The following MSR1 variants were observed in gnomAD, a reference collection of about 807,000 sequenced individuals.
MSR1 encodes the protein macrophage scavenger receptor types I and II.
A neutral mutation model predicts 47.2 loss-of-function variants in MSR1; 53 were observed. The ratio of observed to expected loss-of-function variants is 1.12; its 90% CI spans 0.90 to 1.41. The LOEUF is 1.41. Ranked by LOEUF, MSR1 falls within the 40% of genes most tolerant of loss-of-function variation. MSR1 has a pLI of 0.00. For synonymous variants in MSR1, 239 were observed against 185.6 expected (o/e 1.29, Z -2.34); for missense variants, 786 against 546.9 (o/e 1.44, Z -4.36).
chr8:16,118,417 G>A (rs1251608426), intron 9 of MSR1, among the ~76,000 whole-genome samples: 3 of 152,138 alleles, frequency 2.0e-5, no homozygotes, highest in African/African-American at 7.2e-5. Flanking sequence ...AGTTATCATA[G>A]AAATGGATTC....
intron 8 of MSR1, among the ~76,000 whole-genome samples, chr8:16,132,584 T>A (rs2117087638): frequency 6.6e-6 from 1 of 152,158 alleles, no homozygotes; most frequent in East Asian, 1.9e-4. Context: ...GCCTCCCAGG[T>A]TCAAGTGATT....
chr8:16,135,805 G>A (rs1208035515), intron 8 of MSR1, among the ~76,000 whole-genome samples: 2 of 152,120 alleles, frequency 1.3e-5, no homozygotes, highest in Non-Finnish European at 2.9e-5. Context: ...TTTGGAAGAA[G>A]TTGATTCCAA....
chr8:16,136,308 T>C (rs1046019721), intron 8 of MSR1, among the ~76,000 whole-genome samples: 2 of 152,122 alleles, frequency 1.3e-5, no homozygotes, highest in African/African-American at 2.4e-5. Flanking sequence ...TAAGCAGCCA[T>C]CAACACGGAG....
intron 8 of MSR1, chr8:16,140,860 G>A (rs1360533863): frequency 6.3e-7 from 1 of 1,586,684 alleles, no homozygotes; most frequent in African/African-American, 1.3e-5. Flanking sequence ...CCATGTGGAA[G>A]TCAGGTACAA....
intron 4 of MSR1, among the ~76,000 whole-genome samples, chr8:16,166,974 C>T (rs1403743469): frequency 3.9e-5 from 6 of 151,952 alleles, no homozygotes; most frequent in Non-Finnish European, 2.9e-5. Flanking sequence ...CACACATGCA[C>T]GCACTGGCAC....
chr8:16,182,851 G>T (rs570250343), intron 1 of MSR1, among the ~76,000 whole-genome samples: 1 of 152,024 alleles, frequency 6.6e-6, no homozygotes, highest in Non-Finnish European at 1.5e-5. Context: ...TAATGATTAA[G>T]AAGTATAATA....
intron 7 of MSR1, among the ~76,000 whole-genome samples, chr8:16,147,873 T>G (rs1800743398): frequency 6.6e-6 from 1 of 152,052 alleles, no homozygotes. Flanking sequence ...TTTTTCCACC[T>G]AAACATAATG....
chr8:16,135,620 T>A (rs1347385173), intron 8 of MSR1, among the ~76,000 whole-genome samples: 2 of 152,168 alleles, frequency 1.3e-5, no homozygotes. Flanking sequence ...TACTTTCAAG[T>A]CTTATTACTT....
intron 6 of MSR1, among the ~76,000 whole-genome samples, chr8:16,152,219 G>T (rs919512807): frequency 6.6e-6 from 1 of 151,996 alleles, no homozygotes; most frequent in African/African-American, 2.4e-5. Context: ...GGCACAATTT[G>T]TTACTTCCAG....
intron 5 of MSR1, among the ~76,000 whole-genome samples, chr8:16,159,815 C>G (rs1166823744): frequency 6.6e-6 from 1 of 151,862 alleles, no homozygotes; most frequent in African/African-American, 2.4e-5. Flanking sequence ...TCAGCTGGGC[C>G]TTACTATTGG....
intron 1 of MSR1, among the ~76,000 whole-genome samples, chr8:16,178,403 C>T (rs1298695581): frequency 3.3e-5 from 5 of 152,084 alleles, no homozygotes; most frequent in Admixed American, 1.3e-4. Context: ...TGGTTTCCAG[C>T]TTCATCCATG....
intron 9 of MSR1, among the ~76,000 whole-genome samples, chr8:16,112,294 T>C (rs989221): frequency 6.6e-6 from 1 of 152,208 alleles, no homozygotes; most frequent in Middle Eastern, 3.4e-3. Flanking sequence ...CTTTTTATAA[T>C]AACCTTGTTA....
intron 1 of MSR1, among the ~76,000 whole-genome samples, chr8:16,187,110 T>C (rs1333428676): frequency 4.0e-5 from 6 of 151,766 alleles, no homozygotes; most frequent in African/African-American, 1.4e-4. Context: ...CACCTGTAAT[T>C]CCTGCACTTT....
At chr8:16,189,915 CTTTT>C (rs760309231) in intron 1 of MSR1, among the ~76,000 whole-genome samples, 1 of 119,126 alleles carries the variant, frequency 8.4e-6, no homozygotes. Flanking sequence ...TAAATATTTC[CTTTT>C]TTTTTTTTTT....
chr8:16,112,922 T>G (rs1266382036), intron 9 of MSR1, among the ~76,000 whole-genome samples: 1 of 149,936 alleles, frequency 6.7e-6, no homozygotes, highest in Admixed American at 6.8e-5. Flanking sequence ...GGGATTGATA[T>G]TGATTATATA....
intron 7 of MSR1, among the ~76,000 whole-genome samples, chr8:16,148,633 C>G (rs6983916): frequency 0.079 from 12,042 of 151,738 alleles, 1,430 homozygotes; most frequent in African/African-American, 0.25. Flanking sequence ...GGTAGAGACA[C>G]GGTTTCACCA....
chr8:16,163,153 T>C (rs557188551), intron 5 of MSR1, among the ~76,000 whole-genome samples: 43 of 151,840 alleles, frequency 2.8e-4, no homozygotes, highest in Non-Finnish European at 6.0e-4. Context: ...GTAATTTTGG[T>C]AGAGAGAAAA....
chr8:16,146,648 C>T (rs1800707276), intron 7 of MSR1, among the ~76,000 whole-genome samples: 1 of 152,022 alleles, frequency 6.6e-6, no homozygotes, highest in African/African-American at 2.4e-5. Flanking sequence ...TTTTCATGCT[C>T]TGTTCTCTGG....
chr8:16,175,252 G>A lies in MSR1; in HGVS notation c.152C>T (p.Ala51Val). The A allele has an allele frequency of 6.2e-7, 1 of 1,614,074 alleles. No individual in the cohort carries two copies. The highest frequency in any genetic ancestry group is 1.3e-5 in the African/African-American group (1 of 75,028). ...GAGGAGGTAAAGGGCAATCAGTGCA[G>A]CTTTGAAGGACTTCAGTTTCTCTTG... Reference protein sequence around the residue: ...SLQEKLKSFKAALIALYLLVF... With the variant: ...SLQEKLKSFKVALIALYLLVF... The change falls in exon 3 of 10, where the codon GCT becomes GTT. Residue 51 changes from alanine to valine, a missense_variant. By Grantham distance (64) the Ala-to-Val change is moderately conservative. Coordinates refer to ENST00000262101, the MANE Select transcript of MSR1 (RefSeq NM_138715.3).
Sources: gnomAD v4.1 joint callset for allele counts (sites outside exome capture counted in the v4.1 genomes callset) on GRCh38, gnomAD v4.1.1 for gene constraint, MANE v1.5 for transcripts, NCBI Gene and HGNC (gene_info 2026-07-23, HGNC 2026-07-21) for gene names.